CENPH: variants seen among roughly 807,000 people sequenced by gnomAD.
CENPH encodes the protein centromere protein H.
A neutral mutation model predicts 42.9 loss-of-function variants in CENPH; 40 were observed. That is an observed-to-expected ratio of 0.93 (90% CI 0.72 to 1.21). The LOEUF (loss-of-function observed/expected upper bound fraction) is 1.21. Ranked by LOEUF, CENPH falls within the 50% of genes most tolerant of loss-of-function variation. The probability of loss-of-function intolerance (pLI) is 0.00; values close to 1 mark genes in which losing one functional copy is unlikely to be tolerated. For missense variants in CENPH, 302 were observed against 292.9 expected, an observed-to-expected ratio of 1.03 and a Z score of -0.23; for synonymous variants, 88 against 96.5, an observed-to-expected ratio of 0.91 and a Z score of 0.52.
intron 4 of CENPH, among the ~76,000 whole-genome samples, chr5:69,195,996 C>T (rs968903593): frequency 2.0e-5 from 3 of 152,122 alleles, no homozygotes; most frequent in African/African-American, 4.8e-5. Flanking sequence ...TGGAGTACAG[C>T]GACATGATCA....
intron 1 of CENPH, 35 bp downstream of exon 1, chr5:69,189,803 T>G: frequency 7.1e-7 from 1 of 1,416,654 alleles, no homozygotes; most frequent in East Asian, 2.8e-5. Flanking sequence ...CGGGGCCAAG[T>G]GGGCGTTGTG....
At chr5:69,201,868 C>T (rs1201279874) in intron 5 of CENPH, among the ~76,000 whole-genome samples, 1 of 152,112 alleles carries the variant, frequency 6.6e-6, no homozygotes, top group Non-Finnish European at 1.5e-5. Context: ...AGAAAACAAA[C>T]CCGTAGGCTA....
intron 2 of CENPH, among the ~76,000 whole-genome samples, chr5:69,192,353 A>G (rs1419134918): frequency 6.6e-6 from 1 of 152,300 alleles, no homozygotes; most frequent in Middle Eastern, 3.4e-3. Context: ...TTACGTTCCA[A>G]TAGTCTTTTT....
At chr5:69,200,605 CCTT>C (rs773608150) in intron 5 of CENPH, among the ~76,000 whole-genome samples, 2 of 151,664 alleles carry the variant, frequency 1.3e-5, no homozygotes, top group African/African-American at 4.8e-5. Context: ...CCCCTTTTGA[CCTT>C]CTCAGTTAGT....
chr5:69,199,763 A>G (rs994807677), intron 5 of CENPH, among the ~76,000 whole-genome samples: 4 of 152,170 alleles, frequency 2.6e-5, no homozygotes, highest in African/African-American at 9.6e-5. Flanking sequence ...TTCAAAAGAA[A>G]TCATAAACAT....
chr5:69,208,347 A>T lies in CENPH; in HGVS notation c.639A>T (p.Gln213His). 6.3e-7 allele frequency: 1 copy of T among 1,590,054 alleles called. No individual in the cohort carries two copies. Among genetic ancestry groups the T allele is most frequent in the Non-Finnish European group, 8.6e-7 (1 of 1,163,492 alleles). Residue 213 changes from glutamine to histidine, a missense_variant, in exon 8 of 9, where the codon CAA becomes CAT. Transcript: ENST00000283006. ...AGATAAAAATTACTACTGTTATTCA[A>T]CATGTGTTCCAGGTAACATTTATAT... ...QMEIKITTVI[Q>H]HVFQNLILGS...
chr5:69,194,570 T>C, intron 2 of CENPH, 77 bp from the exon 3 acceptor site: 1 of 785,396 alleles, frequency 1.3e-6, no homozygotes, highest in Non-Finnish European at 2.1e-6. Flanking sequence ...TCTTTTGCCC[T>C]TGTGGCTTAC....
chr5:69,205,924 T>C (rs557395101), intron 7 of CENPH, among the ~76,000 whole-genome samples: 58 of 151,574 alleles, frequency 3.8e-4, no homozygotes, highest in African/African-American at 1.3e-3. Context: ...TTAGCTAGGA[T>C]GGTCTCCATC....
intron 5 of CENPH, 83 bp downstream of exon 5, chr5:69,197,192 C>G: frequency 1.3e-6 from 1 of 778,968 alleles, no homozygotes; most frequent in East Asian, 2.9e-5. Flanking sequence ...AAAATTATTA[C>G]TGCCAACTAC....
chr5:69,204,305 G>C (rs1748111530), intron 7 of CENPH, among the ~76,000 whole-genome samples: 1 of 151,368 alleles, frequency 6.6e-6, no homozygotes, highest in South Asian at 2.1e-4. Flanking sequence ...TTTCAGATAA[G>C]GGTCTTGTTC....
rs552579972 is a variant in CENPH, at chr5:69,208,469, C to T, written c.651+110C>T. 5.3e-5 allele frequency: 33 copies of T among 622,190 alleles called. No individual in the cohort carries two copies. In the African/African-American group the frequency reaches 5.8e-4, roughly 11 times the overall value. The allele number at this position is 622,190 out of a possible 1,614,324, so 38.5% of individuals were successfully genotyped here. A position where few individuals can be genotyped will look rare whatever the true frequency, so the allele number is the denominator to read the frequency against. On this transcript the variant is annotated intron_variant, in intron 8 of 8. Transcript: ENST00000283006. ...CCGCCTCCTGGTTCAAGCAATTCTC[C>T]TGTCTCAGCCTCCTGAGTAGCTGGG...
At chr5:69,205,415 A>AGGGTTTCACCATGTTGTCCAGGC (rs1239398227) in intron 7 of CENPH, among the ~76,000 whole-genome samples, 2 of 151,208 alleles carry the variant, frequency 1.3e-5, no homozygotes, top group African/African-American at 4.9e-5. Flanking sequence ...TAGTAGATAC[A>AGGGTTTCACCATGTTGTCCAGGC]GGGTTTCACC....
At chr5:69,208,405 G>C in intron 8 of CENPH, 46 bp downstream of exon 8, 1 of 1,342,306 alleles carries the variant, frequency 7.4e-7, no homozygotes, top group Non-Finnish European at 1.0e-6. Context: ...TGTTGCCCAG[G>C]CTGGAGTGAA....
intron 4 of CENPH, 121 bp downstream of exon 4, chr5:69,195,912 A>G (rs1222281863): frequency 3.4e-6 from 2 of 591,814 alleles, no homozygotes; most frequent in South Asian, 2.0e-5. Flanking sequence ...ATGATTAGAT[A>G]ATGGTCACAC....
At chr5:69,190,606 G>A (rs901173764) in intron 1 of CENPH, among the ~76,000 whole-genome samples, 1 of 152,206 alleles carries the variant, frequency 6.6e-6, no homozygotes, top group African/African-American at 2.4e-5. Flanking sequence ...TTGGCTGAGC[G>A]CGGTGGCTCA....
At chr5:69,209,580 TATG>T in intron 8 of CENPH, 124 bp from the exon 9 acceptor site, 1 of 553,460 alleles carries the variant, frequency 1.8e-6, no homozygotes, top group South Asian at 2.5e-5. Flanking sequence ...ATTTTTTTCT[TATG>T]ATCACAGAGC....
At chr5:69,191,643 C>T in intron 1 of CENPH, 152 bp from the exon 2 acceptor site, 1 of 541,832 alleles carries the variant, frequency 1.8e-6, no homozygotes. Flanking sequence ...TAAAATGAGG[C>T]CAAATTAGAA....
rs1387693540 is a variant in CENPH at position 69,210,187 on chromosome 5, CG to C, written c.*392del. 1 of 153,284 alleles carries C rather than the reference CG, an allele frequency of 6.5e-6. No individual in the cohort carries two copies. Among genetic ancestry groups the C allele is most frequent in the Non-Finnish European group, 1.5e-5 (1 of 68,950 alleles). The allele number at this position is 153,284 out of a possible 1,614,324, so 9.5% of individuals were successfully genotyped here. On this transcript the variant is annotated 3_prime_UTR_variant, in exon 9 of 9. Coordinates refer to ENST00000283006, the MANE Select transcript of CENPH (RefSeq NM_022909.4). ...CTAATTTTTTGTATTTTAGTAGAGA[CG>C]GGGTTTCACCGTGTTGCCCAGGCTG...
chr5:69,204,051 T>TTA (rs1168613545), intron 7 of CENPH, among the ~76,000 whole-genome samples: 3 of 61,932 alleles, frequency 4.8e-5, no homozygotes, highest in South Asian at 6.6e-4. Context: ...TATTTATATA[T>TTA]TATATATATA....
Sources: gnomAD v4.1 joint callset for allele counts (sites outside exome capture counted in the v4.1 genomes callset) on GRCh38, gnomAD v4.1.1 for gene constraint, MANE v1.5 for transcripts, NCBI Gene and HGNC (gene_info 2026-07-23, HGNC 2026-07-21) for gene names.